Variants in BZW2 observed in about 807,000 individuals in gnomAD.
BZW2 encodes eIF5-mimic protein 1.
BZW2 carries 23 observed loss-of-function variants against 53.2 expected under a neutral mutation model. The ratio of observed to expected loss-of-function variants is 0.43; its 90% CI spans 0.31 to 0.61. The LOEUF is 0.61. Among genes scored for constraint, BZW2 ranks in the 20% least tolerant of loss-of-function variants. The pLI, the probability that BZW2 is intolerant of heterozygous loss-of-function variation, is 0.09. For missense variants in BZW2, 409 were observed against 503.1 expected (o/e 0.81, Z 1.79); for synonymous variants, 227 against 186.4 (o/e 1.22, Z -1.77).
chr7:16,704,515 G>A, intron 10 of BZW2, 32 bp from the exon 11 acceptor site: 1 of 1,494,874 alleles, frequency 6.7e-7, no homozygotes. Context: ...CATTTGTATA[G>A]TAACTTTGAA....
chr7:16,662,849 T>A (rs1782307751), intron 1 of BZW2, among the ~76,000 whole-genome samples: 1 of 152,122 alleles, frequency 6.6e-6, no homozygotes, highest in African/African-American at 2.4e-5. Context: ...GGCAGAGAAG[T>A]CTGCTGGAGA....
At chr7:16,680,906 C>G (rs1291637292) in intron 3 of BZW2, among the ~76,000 whole-genome samples, 1 of 152,112 alleles carries the variant, frequency 6.6e-6, no homozygotes. Flanking sequence ...GAGTTCGAGA[C>G]CAGCCTGACC....
intron 3 of BZW2, among the ~76,000 whole-genome samples, chr7:16,677,930 G>A (rs142011496): frequency 6.6e-6 from 1 of 152,164 alleles, no homozygotes; most frequent in African/African-American, 2.4e-5. Context: ...AGGGCCAAAC[G>A]TTTTGGTATA....
At chr7:16,660,400 T>TTA (rs373889681) in intron 1 of BZW2, among the ~76,000 whole-genome samples, 2 of 130,212 alleles carry the variant, frequency 1.5e-5, no homozygotes, top group African/African-American at 2.9e-5. Flanking sequence ...ACTCCATATT[T>TTA]AAAAAAAAAA....
At chr7:16,654,425 C>T (rs1044098165) in intron 1 of BZW2, among the ~76,000 whole-genome samples, 19 of 150,982 alleles carry the variant, frequency 1.3e-4, no homozygotes, top group Admixed American at 3.3e-4. Flanking sequence ...ACTCCAAGTC[C>T]AAATGCAAAT....
chr7:16,670,985 T>TA (rs1782581181), intron 2 of BZW2, among the ~76,000 whole-genome samples: 1 of 152,228 alleles, frequency 6.6e-6, no homozygotes, highest in African/African-American at 2.4e-5. Flanking sequence ...GTTAACCACT[T>TA]ACAACCCAGC....
chr7:16,704,986 G>T (rs537585282), intron 11 of BZW2, among the ~76,000 whole-genome samples: 20 of 152,300 alleles, frequency 1.3e-4, no homozygotes, highest in African/African-American at 4.6e-4. Flanking sequence ...GAATTCTATA[G>T]ATTTTTATGA....
chr7:16,686,168 T>C (rs1161557190), intron 6 of BZW2, 128 bp downstream of exon 6: 4 of 1,390,844 alleles, frequency 2.9e-6, no homozygotes, highest in African/African-American at 2.9e-5. Context: ...GAGAATATCT[T>C]TGTATGGGTG....
At chr7:16,681,514 T>C in intron 4 of BZW2, 110 bp downstream of exon 4, 1 of 908,442 alleles carries the variant, frequency 1.1e-6, no homozygotes, top group Non-Finnish European at 1.6e-6. Context: ...GCCTTTAAAC[T>C]TATGAAAATA....
chr7:16,703,542 T>G (rs1189242385), intron 10 of BZW2, among the ~76,000 whole-genome samples: 1 of 152,204 alleles, frequency 6.6e-6, no homozygotes, highest in Non-Finnish European at 1.5e-5. Context: ...AAGTAATTTA[T>G]TAACATTATA....
intron 2 of BZW2, among the ~76,000 whole-genome samples, chr7:16,673,097 C>A (rs1158099604): frequency 6.6e-6 from 1 of 152,124 alleles, no homozygotes; most frequent in African/African-American, 2.4e-5. Flanking sequence ...CAGGGGCCCG[C>A]CACCACCCCT....
chr7:16,693,841 G>T (rs999512039), intron 7 of BZW2, among the ~76,000 whole-genome samples: 2 of 152,184 alleles, frequency 1.3e-5, no homozygotes, highest in African/African-American at 2.4e-5. Flanking sequence ...CTCAACAGGG[G>T]AAATTAATAG....
At chr7:16,687,554 C>T (rs1374647464) in intron 6 of BZW2, 1 of 150,922 alleles carries the variant, frequency 6.6e-6, no homozygotes, top group South Asian at 2.1e-4. Context: ...CTCTTCTCTA[C>T]AAAAAAAAAT....
chr7:16,685,091 C>T (rs1487755388), intron 5 of BZW2, among the ~76,000 whole-genome samples: 2 of 152,122 alleles, frequency 1.3e-5, no homozygotes, highest in Admixed American at 6.5e-5. Flanking sequence ...GAGAAAGTAA[C>T]AGTAGAATGT....
chr7:16,648,063 T>G (rs886931783), intron 1 of BZW2, among the ~76,000 whole-genome samples: 1 of 152,216 alleles, frequency 6.6e-6, no homozygotes, highest in Non-Finnish European at 1.5e-5. Context: ...AACATCTACC[T>G]AGAAATGCAA....
At chr7:16,684,109 A>G (rs10272444) in intron 5 of BZW2, among the ~76,000 whole-genome samples, 31,547 of 152,182 alleles carry the variant, frequency 0.21, 3,406 homozygotes, top group East Asian at 0.38. Context: ...TTAAATTACA[A>G]TCTATCTATA....
rs975997772 is a variant in BZW2, at chr7:16,681,316, G to T, written c.251G>T (p.Arg84Leu). 6 of 1,613,604 alleles carry T rather than the reference G, an allele frequency of 3.7e-6. No individual in the cohort carries two copies. Among genetic ancestry groups the T allele is most frequent in the Non-Finnish European group, 5.1e-6 (6 of 1,179,788 alleles). Reference protein sequence around the residue: ...AGSMLAPGGTRIDDGDKTKMT... With the variant: ...AGSMLAPGGTLIDDGDKTKMT... ...CTCTTTTTAGCCCCTGGAGGAACGC[G>T]CATAGATGATGGTGACAAGACCAAG... Residue 84 changes from arginine to leucine, a missense_variant, in exon 4 of 12, where the codon CGC becomes CTC. Physicochemically the swap from Arg to Leu is moderately radical, Grantham distance 102. Transcript: ENST00000258761.
chr7:16,700,807 C>T (rs962708455), intron 10 of BZW2: 1 of 152,130 alleles, frequency 6.6e-6, no homozygotes, highest in Non-Finnish European at 1.5e-5. Flanking sequence ...TCTGTGGATT[C>T]CTTTTGTTTG....
At chr7:16,685,326 A>G (rs778332266) in intron 5 of BZW2, among the ~76,000 whole-genome samples, 2 of 152,168 alleles carry the variant, frequency 1.3e-5, no homozygotes, top group Non-Finnish European at 2.9e-5. Context: ...TTTCTCCCTC[A>G]ACAGTCTTGT....
Sources: gnomAD v4.1 joint callset for allele counts (sites outside exome capture counted in the v4.1 genomes callset) on GRCh38, gnomAD v4.1.1 for gene constraint, MANE v1.5 for transcripts, NCBI Gene and HGNC (gene_info 2026-07-23, HGNC 2026-07-21) for gene names.